The following RBFOX1 variants were observed in gnomAD, a reference collection of about 807,000 sequenced individuals.
RBFOX1 encodes the protein RNA binding protein fox-1 homolog 1.
In RBFOX1, 8 loss-of-function variants were observed where a neutral mutation model predicts 57.7. That is an observed-to-expected ratio of 0.14 (90% CI 0.08 to 0.25). The LOEUF is 0.25. RBFOX1 is among the 10% of genes least tolerant of loss of function. The pLI is 1.00. For missense variants in RBFOX1, 611 were observed against 548.5 expected, an observed-to-expected ratio of 1.11 and a Z score of -1.14; for synonymous variants, 326 against 222.4, an observed-to-expected ratio of 1.47 and a Z score of -4.15.
intron 4 of RBFOX1, among the ~76,000 whole-genome samples, chr16:7,171,866 C>A (rs1392331882): frequency 6.6e-6 from 1 of 152,122 alleles, no homozygotes; most frequent in African/African-American, 2.4e-5. Flanking sequence ...GGGATGATGA[C>A]TGAGACACAT....
chr16:5,769,377 G>T (rs548255506), intron 3 of RBFOX1, among the ~76,000 whole-genome samples: 1 of 151,228 alleles, frequency 6.6e-6, no homozygotes, highest in Admixed American at 6.6e-5. Flanking sequence ...GCAGTGGCTC[G>T]CACCTATAAT....
chr16:6,524,670 G>A (rs530409382), intron 2 of RBFOX1, among the ~76,000 whole-genome samples: 2 of 152,280 alleles, frequency 1.3e-5, no homozygotes, highest in South Asian at 4.2e-4. Context: ...GAGGCTTAAA[G>A]TCTGAAATCA....
intron 2 of RBFOX1, among the ~76,000 whole-genome samples, chr16:5,515,540 C>G (rs2043760786): frequency 6.6e-6 from 1 of 152,242 alleles, no homozygotes; most frequent in Non-Finnish European, 1.5e-5. Flanking sequence ...CTTTGCAAAA[C>G]AGAGGCTGTT....
At chr16:5,507,865 C>T (rs895726642) in intron 2 of RBFOX1, among the ~76,000 whole-genome samples, 3 of 152,154 alleles carry the variant, frequency 2.0e-5, no homozygotes, top group African/African-American at 7.2e-5. Context: ...CTAGAGCCTT[C>T]AGAGGGAGTG....
rs1202894885 is a variant in RBFOX1 at position 6,365,506 on chromosome 16, T to C, written c.-64+48449T>C. Among the ~76,000 whole-genome samples, 3 of 152,268 alleles carry C rather than the reference T, an allele frequency of 2.0e-5. No homozygotes were observed. The East Asian group carries it at 5.8e-4, about 29-fold the overall frequency. On this transcript the variant is annotated intron_variant, in intron 2 of 15. Coordinates refer to ENST00000550418, the MANE Select transcript of RBFOX1 (RefSeq NM_018723.4). ...TAGGTGTATGGATACCTTGGATACA[T>C]ACATGTAATACATTTAAATTCTTAA...
chr16:7,298,275 G>GTTTTTTTTTT (rs1281918637), intron 4 of RBFOX1, among the ~76,000 whole-genome samples: 2 of 117,562 alleles, frequency 1.7e-5, no homozygotes, highest in African/African-American at 3.4e-5. Flanking sequence ...TTGTGTATAG[G>GTTTTTTTTTT]TTTTTTTTTG....
intron 2 of RBFOX1, among the ~76,000 whole-genome samples, chr16:6,479,433 C>T (rs1480928436): frequency 6.6e-6 from 1 of 151,840 alleles, no homozygotes; most frequent in Non-Finnish European, 1.5e-5. Flanking sequence ...ACTAAAAATA[C>T]AAAATTTAGC....
At chr16:7,373,921 C>A (rs960166713) in intron 4 of RBFOX1, among the ~76,000 whole-genome samples, 45 of 152,300 alleles carry the variant, frequency 3.0e-4, no homozygotes, top group African/African-American at 1.1e-3. Flanking sequence ...AACTTAGGCT[C>A]CTCGTAGCAG....
chr16:6,070,828 A>C (rs542805625), intron 1 of RBFOX1, among the ~76,000 whole-genome samples: 5 of 147,502 alleles, frequency 3.4e-5, no homozygotes, highest in East Asian at 4.4e-4. Context: ...CCCCCCCCAC[A>C]CACACATTTG....
chr16:5,391,487 A>G lies in RBFOX1; in HGVS notation c.220-75729A>G, dbSNP rs183914587. Among the ~76,000 whole-genome samples, 739 of 152,262 alleles carry G rather than the reference A, an allele frequency of 4.9e-3. 12 individuals are homozygous for G. The highest frequency in any genetic ancestry group is 0.017 in the African/African-American group (706 of 41,576). On this transcript the variant is annotated intron_variant, in intron 1 of 2. Transcript: ENST00000585867. ...GGTCCCTTGGGACTCCACTGGGACC[A>G]CCCAGATAACCGAGGAGAATCTCCC...
intron 2 of RBFOX1, among the ~76,000 whole-genome samples, chr16:5,520,687 T>G (rs1421758053): frequency 1.3e-5 from 2 of 152,244 alleles, no homozygotes; most frequent in Non-Finnish European, 2.9e-5. Context: ...TATGCTCGTC[T>G]CACCATATGG....
chr16:5,625,547 C>CTTATTTAT (rs57608959), intron 3 of RBFOX1, among the ~76,000 whole-genome samples: 5 of 140,168 alleles, frequency 3.6e-5, no homozygotes, highest in Admixed American at 1.3e-4. Flanking sequence ...TATTTATTTA[C>CTTATTTAT]TTATTTATTT....
intron 11 of RBFOX1, among the ~76,000 whole-genome samples, chr16:7,636,687 C>T (rs1229202306): frequency 6.6e-6 from 1 of 152,196 alleles, no homozygotes; most frequent in Non-Finnish European, 1.5e-5. Context: ...GACTGGGAGG[C>T]TTAAGCCACA....
At chr16:6,528,578 G>T (rs1486965886) in intron 2 of RBFOX1, among the ~76,000 whole-genome samples, 1 of 152,168 alleles carries the variant, frequency 6.6e-6, no homozygotes, top group South Asian at 2.1e-4. Flanking sequence ...GTATGATTCT[G>T]TGTCAGTTTA....
chr16:6,635,573 A>G (rs1197034348), intron 2 of RBFOX1, among the ~76,000 whole-genome samples: 1 of 152,124 alleles, frequency 6.6e-6, no homozygotes, highest in Non-Finnish European at 1.5e-5. Flanking sequence ...GGTATCAATA[A>G]AAAGGTTGAC....
At chr16:6,236,885 A>G (rs898421876) in intron 1 of RBFOX1, among the ~76,000 whole-genome samples, 1 of 152,182 alleles carries the variant, frequency 6.6e-6, no homozygotes, top group Non-Finnish European at 1.5e-5. Flanking sequence ...GGCTCAGAGT[A>G]TTCAAGCCAT....
intron 1 of RBFOX1, among the ~76,000 whole-genome samples, chr16:6,207,695 A>AT (rs1428590334): frequency 2.0e-5 from 3 of 151,838 alleles, no homozygotes; most frequent in African/African-American, 7.3e-5. Context: ...ATTTTATTTT[A>AT]TTTATTTTTT....
At chr16:7,203,219 G>C (rs1414956792) in intron 4 of RBFOX1, among the ~76,000 whole-genome samples, 1 of 152,188 alleles carries the variant, frequency 6.6e-6, no homozygotes, top group Non-Finnish European at 1.5e-5. Context: ...CCTTAGAAGG[G>C]AAGAAAATTC....
At chr16:7,480,587 A>T (rs998858572) in intron 4 of RBFOX1, among the ~76,000 whole-genome samples, 6 of 152,128 alleles carry the variant, frequency 3.9e-5, no homozygotes, top group African/African-American at 1.4e-4. Context: ...TCCTTTTTTC[A>T]AGCGTGGACT....
Sources: allele counts gnomAD v4.1 joint callset (sites outside exome capture counted in the v4.1 genomes callset), GRCh38; gene constraint gnomAD v4.1.1; transcripts MANE v1.5; gene names NCBI Gene and HGNC (gene_info 2026-07-23, HGNC 2026-07-21).